Variants in RBBP5 observed in about 807,000 individuals in gnomAD.
The protein encoded by RBBP5 is RB binding protein 5, histone lysine methyltransferase complex subunit, also known as retinoblastoma-binding protein 5.
In RBBP5, 5 loss-of-function variants were observed where a neutral mutation model predicts 72.2. The observed-to-expected ratio is 0.07, with a 90% CI of 0.04 to 0.15. The LOEUF (loss-of-function observed/expected upper bound fraction) is 0.15, where lower values mean the gene tolerates loss of function less well. Ranked by LOEUF, RBBP5 falls within the 10% of genes least tolerant of loss-of-function variation. RBBP5 has a pLI of 1.00. For synonymous variants in RBBP5, 209 were observed against 237.2 expected (o/e 0.88, Z 1.09); for missense variants, 322 against 652.2 (o/e 0.49, Z 5.51).
chr1:205,114,434 T>TAA (rs973015821), intron 3 of RBBP5, among the ~76,000 whole-genome samples: 1 of 152,218 alleles, frequency 6.6e-6, no homozygotes, highest in African/African-American at 2.4e-5. Context: ...TGGAATTCAG[T>TAA]AAACTGCACA....
chr1:205,100,116 G>A, intron 7 of RBBP5, 36 bp downstream of exon 7: 1 of 1,614,104 alleles, frequency 6.2e-7, no homozygotes, highest in South Asian at 1.1e-5. Context: ...CCCAGGTCAT[G>A]AATGATCACA....
At chr1:205,120,235 A>G (rs568990438) in intron 1 of RBBP5, among the ~76,000 whole-genome samples, 3 of 152,244 alleles carry the variant, frequency 2.0e-5, no homozygotes, top group East Asian at 3.9e-4. Context: ...TCAACTCCAC[A>G]TTGCTGTCAG....
intron 1 of RBBP5, among the ~76,000 whole-genome samples, chr1:205,121,654 A>G (rs1172144415): frequency 1.3e-5 from 2 of 152,190 alleles, no homozygotes; most frequent in Non-Finnish European, 2.9e-5. Context: ...AATTGATATG[A>G]AAGTGGCCTC....
At position 205,118,212 on chromosome 1, in the gene RBBP5, C is replaced by T. The variant is rs189437391; in HGVS notation, c.20-2329G>A. Among the ~76,000 whole-genome samples the T allele has an allele frequency of 2.6e-5, 4 of 152,200 alleles. No homozygotes were observed. In the East Asian group the frequency reaches 7.7e-4, roughly 29 times the overall value. ...TTGTCTCTCCTCTTAGCTCTATTTA[C>T]GAGGGCAAAAGTGGTATCTTATTTC... On this transcript the variant is annotated intron_variant, in intron 1 of 13. Coordinates refer to ENST00000264515, the MANE Select transcript of RBBP5 (RefSeq NM_005057.4).
rs535172347 is a variant in RBBP5 at position 205,104,733 on chromosome 1, C to T, written c.359+295G>A. Among the ~76,000 whole-genome samples, 9 of 151,862 alleles carry T rather than the reference C, an allele frequency of 5.9e-5. No individual in the cohort carries two copies. In the East Asian group the frequency reaches 1.2e-3, roughly 20 times the overall value. On this transcript the variant is annotated intron_variant, in intron 4 of 13. Transcript: ENST00000264515. ...GCACGCACCTGCAGTCCCAGCTACT[C>T]GAGAGGCTGAGGCAGGAGAATCTTG...
intron 13 of RBBP5, 100 bp from the exon 14 acceptor site, chr1:205,088,915 C>T (rs1410593608): frequency 1.9e-6 from 2 of 1,058,994 alleles, no homozygotes; most frequent in Non-Finnish European, 2.7e-6. Context: ...ATTACAAGCA[C>T]ACGTGGACCA....
At chr1:205,121,663 T>C (rs901750199) in intron 1 of RBBP5, among the ~76,000 whole-genome samples, 192 bp downstream of exon 1, 1 of 152,148 alleles carries the variant, frequency 6.6e-6, no homozygotes, top group African/African-American at 2.4e-5. Flanking sequence ...GAAAGTGGCC[T>C]CGGGAGGGGC....
intron 3 of RBBP5, among the ~76,000 whole-genome samples, chr1:205,105,428 T>C (rs577592682): frequency 1.3e-5 from 2 of 152,318 alleles, no homozygotes; most frequent in South Asian, 4.1e-4. Flanking sequence ...AAATAAGAGA[T>C]TAAAACATCT....
chr1:205,111,006 G>A (rs1481733836), intron 3 of RBBP5, among the ~76,000 whole-genome samples: 2 of 152,180 alleles, frequency 1.3e-5, no homozygotes, highest in Admixed American at 1.3e-4. Context: ...GGAGGTTGCA[G>A]TGAGCCGAGA....
intron 13 of RBBP5, 57 bp from the exon 14 acceptor site, chr1:205,088,872 G>A (rs1450896626): frequency 2.7e-6 from 4 of 1,460,334 alleles, no homozygotes; most frequent in Admixed American, 4.3e-5. Flanking sequence ...CCAGTTACTT[G>A]TAAGAACAGA....
At chr1:205,093,619 G>A (rs1655498656) in intron 13 of RBBP5, among the ~76,000 whole-genome samples, 1 of 148,230 alleles carries the variant, frequency 6.7e-6, no homozygotes, top group African/African-American at 2.5e-5. Context: ...GGTTGAATGT[G>A]GACGTGGTAA....
At chr1:205,110,178 C>T (rs938498549) in intron 3 of RBBP5, among the ~76,000 whole-genome samples, 1 of 151,992 alleles carries the variant, frequency 6.6e-6, no homozygotes, top group Non-Finnish European at 1.5e-5. Context: ...TGTCACCGCA[C>T]CCAGCTAATT....
At chr1:205,102,505 G>A (rs1320050623) in intron 5 of RBBP5, among the ~76,000 whole-genome samples, 4 of 152,124 alleles carry the variant, frequency 2.6e-5, no homozygotes, top group Non-Finnish European at 5.9e-5. Flanking sequence ...AGGGGCTGGC[G>A]GAGAGCAGGG....
At chr1:205,115,690 T>G (rs1437525120) in intron 2 of RBBP5, among the ~76,000 whole-genome samples, 168 bp downstream of exon 2, 1 of 152,218 alleles carries the variant, frequency 6.6e-6, no homozygotes, top group African/African-American at 2.4e-5. Flanking sequence ...CATTGCCTAT[T>G]TCCTCCCTGA....
At chr1:205,109,811 A>G (rs959941432) in intron 3 of RBBP5, among the ~76,000 whole-genome samples, 1 of 152,070 alleles carries the variant, frequency 6.6e-6, no homozygotes, top group Non-Finnish European at 1.5e-5. Flanking sequence ...ACTGATTCCA[A>G]TGTGCTAAAG....
intron 10 of RBBP5, among the ~76,000 whole-genome samples, chr1:205,097,759 A>C (rs1301906232): frequency 6.6e-6 from 1 of 152,212 alleles, no homozygotes; most frequent in Non-Finnish European, 1.5e-5. Flanking sequence ...ATAACCCTAT[A>C]ATCTAGAACA....
intron 3 of RBBP5, among the ~76,000 whole-genome samples, chr1:205,109,597 T>C (rs61822567): frequency 0.32 from 48,482 of 151,834 alleles, 9,157 homozygotes; most frequent in Non-Finnish European, 0.44. Context: ...AAAAAAAACC[T>C]ACTGCTACTG....
At chr1:205,103,186 T>C (rs1167995567) in intron 5 of RBBP5, among the ~76,000 whole-genome samples, 2 of 133,108 alleles carry the variant, frequency 1.5e-5, no homozygotes. Context: ...GATCATGCAC[T>C]GCACTTTAGC....
intron 4 of RBBP5, 32 bp downstream of exon 4, chr1:205,104,996 C>G (rs550723897): frequency 1.2e-6 from 2 of 1,608,212 alleles, no homozygotes; most frequent in East Asian, 4.5e-5. Context: ...AGAATTAGAC[C>G]CCACCCCAGG....
Sources: gnomAD v4.1 joint callset for allele counts (sites outside exome capture counted in the v4.1 genomes callset) on GRCh38, gnomAD v4.1.1 for gene constraint, MANE v1.5 for transcripts, NCBI Gene and HGNC (gene_info 2026-07-23, HGNC 2026-07-21) for gene names.